The following IQCE variants were observed in gnomAD, a reference collection of about 807,000 sequenced individuals.
IQCE encodes the protein IQ motif containing E, also known as IQ domain-containing protein E.
Under a neutral mutation model 96.0 loss-of-function variants are expected in IQCE, and 115 were observed. The observed-to-expected ratio is 1.20, with a 90% confidence interval of 1.03 to 1.40. The LOEUF (loss-of-function observed/expected upper bound fraction) is 1.40. Ranked by LOEUF, IQCE falls within the 40% of genes most tolerant of loss-of-function variation. The pLI is 0.00. For missense variants in IQCE, 1,041 were observed against 909.1 expected (o/e 1.15, Z -1.87); for synonymous variants, 412 against 371.2 (o/e 1.11, Z -1.26).
At chr7:2,577,274 T>C (rs1331587540) in intron 6 of IQCE, among the ~76,000 whole-genome samples, 43 of 121,128 alleles carry the variant, frequency 3.5e-4, no homozygotes, top group Middle Eastern at 5.4e-3. Context: ...GTGTGTGCGG[T>C]GTGTGCGCAG....
chr7:2,599,987 T>C (rs1335818162), intron 17 of IQCE, among the ~76,000 whole-genome samples: 1 of 152,068 alleles, frequency 6.6e-6, no homozygotes, highest in Non-Finnish European at 1.5e-5. Context: ...AGAGACAGGG[T>C]TTCACCATGT....
rs761022107 is a variant in IQCE at position 2,586,337 on chromosome 7, GC to G, written c.955del (p.Leu319Ter). On this transcript the variant is annotated frameshift_variant, in exon 12 of 22. Coordinates refer to ENST00000402050, the MANE Select transcript of IQCE (RefSeq NM_152558.5). LOFTEE classifies it high-confidence loss of function. ...QSLKEDLDRV[L>X]STSPTISKTQ... ...GCCTGAAGGAGGACCTGGACCGCGTGCTGAGCACCTCCCCAACCATCTCCAA... is the reference window on the plus strand; with the variant it reads ...GCCTGAAGGAGGACCTGGACCGCGTGTGAGCACCTCCCCAACCATCTCCAA... 1 of 1,613,620 alleles carries G rather than the reference GC, an allele frequency of 6.2e-7. No homozygotes were observed. The highest frequency in any genetic ancestry group is 8.5e-7 in the Non-Finnish European group (1 of 1,179,888).
intron 8 of IQCE, among the ~76,000 whole-genome samples, chr7:2,580,566 C>T (rs550735729): frequency 6.6e-6 from 1 of 151,894 alleles, no homozygotes; most frequent in African/African-American, 2.4e-5. Flanking sequence ...GAGCTGAGAT[C>T]GTGCCACTGC....
chr7:2,565,777 C>A (rs1781326248), intron 1 of IQCE, among the ~76,000 whole-genome samples: 1 of 152,142 alleles, frequency 6.6e-6, no homozygotes, highest in African/African-American at 2.4e-5. Context: ...TAAAAGGTCA[C>A]CTTAAATAGG....
At chr7:2,562,855 C>CTT (rs558901415) in intron 1 of IQCE, among the ~76,000 whole-genome samples, 4 of 141,822 alleles carry the variant, frequency 2.8e-5, no homozygotes, top group Non-Finnish European at 6.2e-5. Context: ...ATCTTTCTTT[C>CTT]TTTTTTTTTT....
chr7:2,587,825 A>G lies in IQCE; in HGVS notation c.992A>G (p.Tyr331Cys), dbSNP rs576862292. The change falls in exon 13 of 22, where the codon TAT becomes TGT. Residue 331 changes from tyrosine to cysteine, a missense_variant. Coordinates refer to ENST00000402050, the MANE Select transcript of IQCE (RefSeq NM_152558.5). ...TSPTISKTQG[Y>C]VEWSKPRLLR... The stretch of plus-strand genomic sequence containing the variant: ...GAAACCGCATTGCTTCCATCAGGTT[A>G]TGTGGAGTGGAGCAAGCCCCGGCTG... 3.7e-6 allele frequency: 6 copies of G among 1,613,996 alleles called. No homozygotes were observed. In the East Asian group the frequency reaches 8.9e-5, roughly 24 times the overall value.
rs10527603 is a variant in IQCE, at chr7:2,605,636, G to GTAAATAAA, written c.1744-217_1744-210dup. Among the ~76,000 whole-genome samples the GTAAATAAA allele has an allele frequency of 3.5e-3, 526 of 148,928 alleles. 1 individual carries two copies. Among genetic ancestry groups the GTAAATAAA allele is most frequent in the Admixed American group, 6.6e-3 (98 of 14,934 alleles). ...CTCCATCTCAAAAATAAATAAATAA[G>GTAAATAAA]TAAATAAATAAATAAATAAATAAAT... On this transcript the variant is annotated intron_variant, in intron 19 of 21. Coordinates refer to ENST00000402050, the MANE Select transcript of IQCE (RefSeq NM_152558.5).
intron 3 of IQCE, among the ~76,000 whole-genome samples, chr7:2,571,184 A>T (rs1270028604): frequency 6.6e-6 from 1 of 151,984 alleles, no homozygotes; most frequent in Non-Finnish European, 1.5e-5. Context: ...ACACCCAGCT[A>T]ATTTTTAGAT....
intron 6 of IQCE, among the ~76,000 whole-genome samples, chr7:2,573,775 C>G (rs534541935): frequency 6.6e-6 from 1 of 152,216 alleles, no homozygotes; most frequent in African/African-American, 2.4e-5. Context: ...TCAGAGTCGC[C>G]TTGCGTCCTG....
intron 20 of IQCE, among the ~76,000 whole-genome samples, chr7:2,606,821 T>G (rs954677975): frequency 1.1e-4 from 16 of 152,284 alleles, no homozygotes; most frequent in South Asian, 4.1e-4. Context: ...GCAGCTGGGC[T>G]GACCCAGACA....
rs932032920 is a variant in IQCE, at chr7:2,589,986, G to C, written c.1124G>C (p.Ser375Thr). The change falls in exon 14 of 22, where the codon AGC becomes ACC. Residue 375 changes from serine (S) to threonine (T), a missense_variant. By Grantham distance (58) the Ser-to-Thr change is moderately conservative (BLOSUM62 1). Coordinates refer to ENST00000402050, the MANE Select transcript of IQCE (RefSeq NM_152558.5). ...RSHPPACLAS[S>T]SALHRQPRGD... ...CACCCGCCAGCCTGCCTTGCATCCA[G>C]CTCTGCGCTGCACAGACAGCCACGA... 5 of 1,613,850 alleles carry C rather than the reference G, an allele frequency of 3.1e-6. No homozygotes were observed. The African/African-American group carries it at 6.7e-5, about 22-fold the overall frequency.
At chr7:2,604,563 C>T (rs902726009) in intron 18 of IQCE, among the ~76,000 whole-genome samples, 1 of 152,152 alleles carries the variant, frequency 6.6e-6, no homozygotes, top group Admixed American at 6.5e-5. Context: ...ACATGAAAAC[C>T]TAACCATGTG....
chr7:2,605,381 G>A (rs1213718234), intron 19 of IQCE, among the ~76,000 whole-genome samples: 2 of 152,192 alleles, frequency 1.3e-5, no homozygotes, highest in African/African-American at 4.8e-5. Context: ...AGCACTTTTG[G>A]AGGCCGAGGC....
chr7:2,596,980 A>C (rs201614525), intron 16 of IQCE: 7 of 471,190 alleles, frequency 1.5e-5, no homozygotes, highest in Non-Finnish European at 2.6e-5. Flanking sequence ...GCAGACACCC[A>C]AGTGACCATC....
intron 18 of IQCE, among the ~76,000 whole-genome samples, chr7:2,602,416 C>T (rs12700148): frequency 0.25 from 37,793 of 152,098 alleles, 4,912 homozygotes; most frequent in Non-Finnish European, 0.29. Flanking sequence ...ATGCTCCCCT[C>T]TCCTCTAGGG....
At chr7:2,574,890 C>T (rs1443251353) in intron 6 of IQCE, among the ~76,000 whole-genome samples, 1 of 152,148 alleles carries the variant, frequency 6.6e-6, no homozygotes, top group South Asian at 2.1e-4. Flanking sequence ...TTGGGTGTAA[C>T]CTTACTGTCT....
chr7:2,594,824 T>G, intron 15 of IQCE, 62 bp from the exon 16 acceptor site: 208 of 837,504 alleles, frequency 2.5e-4, no homozygotes, highest in Non-Finnish European at 3.5e-4. Context: ...CACCCTGCCC[T>G]GTGCCGGCCT....
At chr7:2,581,255 C>G (rs12700093) in intron 8 of IQCE, among the ~76,000 whole-genome samples, 119,088 of 152,074 alleles carry the variant, frequency 0.78, 47,149 homozygotes, top group African/African-American at 0.89. Flanking sequence ...GCCCAGGCTG[C>G]AGTGCAGTGG....
intron 17 of IQCE, among the ~76,000 whole-genome samples, chr7:2,600,884 C>T (rs1188136653): frequency 6.6e-6 from 1 of 152,204 alleles, no homozygotes; most frequent in Admixed American, 6.5e-5. Context: ...ACCCTCTCTA[C>T]TGATTGTGAC....
Sources: gnomAD v4.1 joint callset for allele counts (sites outside exome capture counted in the v4.1 genomes callset) on GRCh38, gnomAD v4.1.1 for gene constraint, MANE v1.5 for transcripts, NCBI Gene and HGNC (gene_info 2026-07-23, HGNC 2026-07-21) for gene names.